NME9: variants seen among roughly 807,000 people sequenced by gnomAD.
NME9 encodes the protein thioredoxin domain-containing protein 6.
NME9 carries 48 observed loss-of-function variants against 44.4 expected under a neutral mutation model. The observed-to-expected ratio is 1.08, with a 90% CI of 0.86 to 1.37. The LOEUF is 1.37. Among genes scored for constraint, NME9 ranks in the 40% most tolerant of loss-of-function variants. NME9 has a pLI of 0.00. For synonymous variants in NME9, 139 were observed against 147.1 expected (o/e 0.94, Z 0.40); for missense variants, 325 against 405.2 (o/e 0.80, Z 1.70).
chr3:138,324,395 A>C, intron 2 of NME9: 1 of 451,716 alleles, frequency 2.2e-6, no homozygotes, highest in South Asian at 1.6e-5. Flanking sequence ...GTTGTAAAGC[A>C]CTAAGTTTCT....
At chr3:138,324,611 A>G in intron 2 of NME9, 1 of 574,282 alleles carries the variant, frequency 1.7e-6, no homozygotes, top group Non-Finnish European at 3.3e-6. Context: ...TAATTAGAAG[A>G]GGTTTTCTGT....
intron 8 of NME9, among the ~76,000 whole-genome samples, chr3:138,291,525 G>C (rs1327669738): frequency 6.6e-6 from 1 of 152,196 alleles, no homozygotes; most frequent in African/African-American, 2.4e-5. Context: ...AATTGATGAA[G>C]TCTTTGCCCT....
chr3:138,284,601 C>A, intron 8 of NME9: 2 of 1,108,236 alleles, frequency 1.8e-6, no homozygotes, highest in Non-Finnish European at 2.7e-6. Flanking sequence ...ATAAATTGTG[C>A]AGAGATTTTA....
intron 8 of NME9, chr3:138,270,032 A>G: frequency 1.2e-6 from 2 of 1,604,192 alleles, no homozygotes; most frequent in Non-Finnish European, 1.7e-6. Flanking sequence ...TTCCCTGTCC[A>G]ATGGCAGCCA....
At chr3:138,274,785 G>T (rs2049116178) in intron 8 of NME9, among the ~76,000 whole-genome samples, 1 of 152,174 alleles carries the variant, frequency 6.6e-6, no homozygotes. Flanking sequence ...TGTGCACACT[G>T]TCCCTGTCTC....
intron 8 of NME9, among the ~76,000 whole-genome samples, chr3:138,266,876 TAA>T (rs1039514561): frequency 1.7e-4 from 26 of 152,252 alleles, no homozygotes; most frequent in African/African-American, 6.3e-4. Flanking sequence ...GCATTTCACA[TAA>T]GAGTATCTTC....
intron 8 of NME9, chr3:138,290,681 G>T (rs767797171): frequency 1.5e-6 from 2 of 1,370,002 alleles, no homozygotes; most frequent in East Asian, 2.4e-5. Flanking sequence ...GGCTGTGTTG[G>T]ATTCTTTCGT....
intron 1 of NME9, among the ~76,000 whole-genome samples, chr3:138,328,590 T>C (rs553038051): frequency 1.3e-5 from 2 of 152,242 alleles, no homozygotes; most frequent in Admixed American, 1.3e-4. Flanking sequence ...TTTTAAAATG[T>C]TCCCATGTTG....
chr3:138,329,559 T>C lies in NME9; in HGVS notation c.-224A>G. The C allele has an allele frequency of 7.5e-7, 1 of 1,324,714 alleles. No individual in the cohort carries two copies. The highest frequency in any genetic ancestry group is 9.6e-7 in the Non-Finnish European group (1 of 1,040,284). 82.1% of individuals were successfully genotyped at this position (1,324,714 alleles called of 1,614,324 possible). A position where few individuals can be genotyped will look rare whatever the true frequency, so the allele number is the denominator to read the frequency against. On this transcript the variant is annotated 5_prime_UTR_variant, in exon 1 of 11. Coordinates refer to ENST00000333911, the MANE Select transcript of NME9 (RefSeq NM_001349018.2). ...GAAGCGGAGCCTGCAGTCCACGGGCTCGTGGCTCGCCGGGCGGTTTTCTGG... is the reference window on the plus strand; with the variant it reads ...GAAGCGGAGCCTGCAGTCCACGGGCCCGTGGCTCGCCGGGCGGTTTTCTGG...
At chr3:138,300,137 G>A (rs985092665), downstream of NME9, among the ~76,000 whole-genome samples, 1 of 152,158 alleles carries the variant, frequency 6.6e-6, no homozygotes, top group African/African-American at 2.4e-5. Flanking sequence ...GTCAGTGAGG[G>A]CTCTGTTGGG....
intron 8 of NME9, among the ~76,000 whole-genome samples, chr3:138,265,869 T>C (rs2048231529): frequency 6.6e-6 from 1 of 152,152 alleles, no homozygotes; most frequent in Non-Finnish European, 1.5e-5. Flanking sequence ...ATATGATTTA[T>C]GTGTTGAGGT....
intron 8 of NME9, chr3:138,288,993 A>G (rs1368312873): frequency 2.8e-5 from 42 of 1,493,358 alleles, no homozygotes; most frequent in Non-Finnish European, 3.7e-5. Context: ...CCAAAAAAAA[A>G]TCTAAAATGA....
chr3:138,301,313 T>G lies in NME9; in HGVS notation c.*327A>C. On this transcript the variant is annotated 3_prime_UTR_variant, in exon 11 of 11. Transcript: ENST00000333911. ...TTCACCTCCCGGGTTCAAGCGATTCTCATGCCTAAGCCACCCGAGTAGCTG... is the reference window on the plus strand; with the variant it reads ...TTCACCTCCCGGGTTCAAGCGATTCGCATGCCTAAGCCACCCGAGTAGCTG... The G allele has an allele frequency of 2.8e-6, 1 of 356,354 alleles. No individual in the cohort carries two copies. Among genetic ancestry groups the G allele is most frequent in the Non-Finnish European group, 4.3e-6 (1 of 234,290 alleles). The allele number at this position is 356,354 out of a possible 1,614,324, so 22.1% of individuals were successfully genotyped here.
exon 9 of NME9, chr3:138,262,525 C>G (rs1200779122): frequency 6.2e-7 from 1 of 1,612,124 alleles, no homozygotes; most frequent in African/African-American, 1.3e-5. Context: ...GGTCAGACTT[C>G]TGAATCCTCT....
At chr3:138,307,792 A>T (rs1246482265) in intron 6 of NME9, among the ~76,000 whole-genome samples, 7 of 152,220 alleles carry the variant, frequency 4.6e-5, no homozygotes, top group Non-Finnish European at 1.0e-4. Flanking sequence ...TAGAAGGAAA[A>T]CAAGAAAAGT....
intron 8 of NME9, among the ~76,000 whole-genome samples, chr3:138,276,427 A>C (rs1181628085): frequency 1.3e-5 from 2 of 152,216 alleles, no homozygotes; most frequent in Non-Finnish European, 2.9e-5. Context: ...GTCCATTTGT[A>C]CCACTCCTGT....
chr3:138,262,542 A>G (rs1159416353), exon 9 of NME9: 6 of 1,612,452 alleles, frequency 3.7e-6, no homozygotes, highest in Non-Finnish European at 5.1e-6. Flanking sequence ...CTCTCATTTT[A>G]GTCTAGGTCA....
At chr3:138,328,778 C>T (rs1560144248) in intron 1 of NME9, among the ~76,000 whole-genome samples, 1 of 152,180 alleles carries the variant, frequency 6.6e-6, no homozygotes. Flanking sequence ...GTAAGACACT[C>T]TATATAACAT....
chr3:138,270,254 G>T, intron 8 of NME9: 1 of 772,028 alleles, frequency 1.3e-6, no homozygotes, highest in Non-Finnish European at 2.0e-6. Context: ...TGGCTATTTT[G>T]TTCTAGTTTT....
Sources: allele counts gnomAD v4.1 joint callset (sites outside exome capture counted in the v4.1 genomes callset), GRCh38; gene constraint gnomAD v4.1.1; transcripts MANE v1.5; gene names NCBI Gene and HGNC (gene_info 2026-07-23, HGNC 2026-07-21).